The following KCNH5 variants were observed in gnomAD, a reference collection of about 807,000 sequenced individuals.
KCNH5 encodes potassium voltage-gated channel subfamily H member 5.
A neutral mutation model predicts 96.1 loss-of-function variants in KCNH5; 46 were observed. That is an observed-to-expected ratio of 0.48 (90% CI 0.38 to 0.61). The LOEUF is 0.61. Among genes scored for constraint, KCNH5 ranks in the 20% least tolerant of loss-of-function variants. The pLI, the probability that KCNH5 is intolerant of heterozygous loss-of-function variation, is 0.00. For missense variants in KCNH5, 907 were observed against 1,225.8 expected (o/e 0.74, Z 3.88); for synonymous variants, 439 against 449.8 (o/e 0.98, Z 0.30).
At chr14:62,991,431 AT>A (rs1890806261) in intron 4 of KCNH5, among the ~76,000 whole-genome samples, 1 of 152,026 alleles carries the variant, frequency 6.6e-6, no homozygotes, top group South Asian at 2.1e-4. Context: ...GTGGTGGCAA[AT>A]GTTGAACTGA....
intron 7 of KCNH5, among the ~76,000 whole-genome samples, chr14:62,851,410 G>A (rs1887801488): frequency 6.6e-6 from 1 of 150,596 alleles, no homozygotes; most frequent in South Asian, 2.1e-4. Flanking sequence ...TTGAAATGAA[G>A]AGGTTACTAG....
chr14:62,905,699 G>C (rs928352666), intron 7 of KCNH5, among the ~76,000 whole-genome samples: 5 of 152,344 alleles, frequency 3.3e-5, no homozygotes, highest in Admixed American at 6.5e-5. Context: ...GTGGAGAAGA[G>C]GGAAGCAGTG....
At chr14:62,992,690 G>C (rs1007341665) in intron 4 of KCNH5, among the ~76,000 whole-genome samples, 6 of 151,420 alleles carry the variant, frequency 4.0e-5, no homozygotes, top group Admixed American at 3.3e-4. Flanking sequence ...TGTTGAATTG[G>C]GTGCCTTATA....
intron 9 of KCNH5, among the ~76,000 whole-genome samples, chr14:62,790,357 C>A (rs1383672576): frequency 1.3e-5 from 2 of 151,612 alleles, no homozygotes; most frequent in Admixed American, 1.3e-4. Flanking sequence ...TTTGTTCTTT[C>A]TCAGTATTGC....
At chr14:62,898,874 TTGG>T (rs1239311522) in intron 7 of KCNH5, among the ~76,000 whole-genome samples, 14 of 152,132 alleles carry the variant, frequency 9.2e-5, no homozygotes, top group African/African-American at 3.4e-4. Context: ...TGGTTAATAG[TTGG>T]TGGATGATAA....
chr14:62,773,950 G>A (rs2139969256), intron 10 of KCNH5, among the ~76,000 whole-genome samples: 1 of 152,216 alleles, frequency 6.6e-6, no homozygotes, highest in South Asian at 2.1e-4. Context: ...GAGGACCTTT[G>A]AGGATACAGA....
intron 2 of KCNH5, among the ~76,000 whole-genome samples, chr14:63,010,561 T>C (rs985242698): frequency 2.0e-5 from 3 of 152,190 alleles, no homozygotes; most frequent in African/African-American, 7.2e-5. Context: ...TCTGGCCACT[T>C]TTCTTGTCAC....
At chr14:62,806,630 G>T (rs1886772059) in intron 8 of KCNH5, among the ~76,000 whole-genome samples, 1 of 152,070 alleles carries the variant, frequency 6.6e-6, no homozygotes, top group South Asian at 2.1e-4. Flanking sequence ...AATGGGATTG[G>T]GTTAGAGGCT....
At chr14:63,004,500 T>C (rs1411536120) in intron 3 of KCNH5, among the ~76,000 whole-genome samples, 2 of 152,200 alleles carry the variant, frequency 1.3e-5, no homozygotes, top group Non-Finnish European at 2.9e-5. Flanking sequence ...TCCATTAACA[T>C]AAGGCAAAAT....
chr14:62,747,469 T>G (rs1371880969), intron 10 of KCNH5, among the ~76,000 whole-genome samples: 1 of 152,230 alleles, frequency 6.6e-6, no homozygotes, highest in Admixed American at 6.5e-5. Context: ...CTGGAACATA[T>G]TTGTATAATA....
At chr14:62,772,865 C>G (rs752092458) in intron 10 of KCNH5, among the ~76,000 whole-genome samples, 2 of 152,064 alleles carry the variant, frequency 1.3e-5, no homozygotes, top group African/African-American at 2.4e-5. Context: ...ATGCAGGTGA[C>G]AGATATGCTG....
At chr14:62,713,254 C>G (rs1042282782) in intron 10 of KCNH5, among the ~76,000 whole-genome samples, 1 of 150,966 alleles carries the variant, frequency 6.6e-6, no homozygotes, top group African/African-American at 2.4e-5. Flanking sequence ...GTTCCACTGT[C>G]TAAACAAAGA....
chr14:63,036,955 G>A (rs1407684446), intron 1 of KCNH5, among the ~76,000 whole-genome samples: 1 of 152,102 alleles, frequency 6.6e-6, no homozygotes, highest in African/African-American at 2.4e-5. Context: ...TAATTTTCTA[G>A]GAATTTTCAG....
chr14:62,827,748 G>C (rs373973139), intron 8 of KCNH5, among the ~76,000 whole-genome samples: 3 of 152,208 alleles, frequency 2.0e-5, no homozygotes, highest in African/African-American at 7.2e-5. Flanking sequence ...GATTACAACA[G>C]GTCAATTTTC....
chr14:62,702,055 A>G lies in KCNH5; in HGVS notation c.*5453T>C, dbSNP rs1884356186. 6.6e-6 allele frequency: 1 copy of G among 152,112 alleles called. No individual in the cohort carries two copies. The highest frequency in any genetic ancestry group is 2.4e-5 in the African/African-American group (1 of 41,442). 9.4% of individuals were successfully genotyped at this position (152,112 alleles called of 1,614,324 possible). On this transcript the variant is annotated 3_prime_UTR_variant, in exon 11 of 11. Coordinates refer to ENST00000322893, the MANE Select transcript of KCNH5 (RefSeq NM_139318.5). ...ACTATTAAAAAGAAAAAGAAATTAT[A>G]GAAAAAAAATCCTGAATGACTCTTG...
chr14:62,807,978 C>T (rs1886801678), intron 8 of KCNH5, among the ~76,000 whole-genome samples: 1 of 152,140 alleles, frequency 6.6e-6, no homozygotes. Context: ...GTTAGTCATG[C>T]CCCCTAGCTA....
chr14:62,771,920 C>A (rs943078119), intron 10 of KCNH5, among the ~76,000 whole-genome samples: 44 of 152,110 alleles, frequency 2.9e-4, no homozygotes, highest in Admixed American at 2.8e-3. Flanking sequence ...AGGGTTTATA[C>A]CCACCGATAT....
intron 9 of KCNH5, among the ~76,000 whole-genome samples, chr14:62,794,954 A>G (rs1302619360): frequency 6.6e-6 from 1 of 152,150 alleles, no homozygotes; most frequent in Non-Finnish European, 1.5e-5. Context: ...GTCAACAAGC[A>G]GGTATAAGTT....
At chr14:62,829,606 G>A (rs530147709) in intron 8 of KCNH5, among the ~76,000 whole-genome samples, 1 of 152,312 alleles carries the variant, frequency 6.6e-6, no homozygotes, top group South Asian at 2.1e-4. Flanking sequence ...TATCTGGGAT[G>A]CAGGGCACCA....
Sources: gnomAD v4.1 joint callset for allele counts (sites outside exome capture counted in the v4.1 genomes callset) on GRCh38, gnomAD v4.1.1 for gene constraint, MANE v1.5 for transcripts, NCBI Gene and HGNC (gene_info 2026-07-23, HGNC 2026-07-21) for gene names.